Variants in CHRM3 observed in about 807,000 individuals in gnomAD.
CHRM3 encodes muscarinic acetylcholine receptor M3.
Under a neutral mutation model 41.8 loss-of-function variants are expected in CHRM3, and 11 were observed. The ratio of observed to expected loss-of-function variants is 0.26; its 90% CI spans 0.17 to 0.44. The LOEUF (loss-of-function observed/expected upper bound fraction) is 0.44, where lower values mean the gene tolerates loss of function less well. Among genes scored for constraint, CHRM3 ranks in the 20% least tolerant of loss-of-function variants. The probability of loss-of-function intolerance (pLI) is 1.00; values close to 1 mark genes in which losing one functional copy is unlikely to be tolerated. For missense variants in CHRM3, 571 were observed against 745.4 expected (o/e 0.77, Z 2.72); for synonymous variants, 297 against 301.4 (o/e 0.99, Z 0.15).
At chr1:239,527,368 A>T (rs1419480439) in intron 2 of CHRM3, among the ~76,000 whole-genome samples, 4 of 44,492 alleles carry the variant, frequency 9.0e-5, no homozygotes, top group Non-Finnish European at 2.9e-4. Context: ...TAGATTTCTT[A>T]AAAAAAAAAT....
intron 2 of CHRM3, among the ~76,000 whole-genome samples, chr1:239,497,909 A>G (rs1430151476): frequency 6.6e-6 from 1 of 152,222 alleles, no homozygotes; most frequent in Non-Finnish European, 1.5e-5. Context: ...CATATGAACC[A>G]GGGCACCTGG....
chr1:239,843,898 G>A (rs1674046099), intron 6 of CHRM3, among the ~76,000 whole-genome samples: 2 of 151,714 alleles, frequency 1.3e-5, no homozygotes, highest in South Asian at 4.2e-4. Context: ...TACACATAGA[G>A]ATATATACTC....
rs1680271780 is a variant in CHRM3 at position 239,910,045 on chromosome 1, G to C, written c.*821G>C. The C allele has an allele frequency of 6.0e-6, 1 of 166,984 alleles. No homozygotes were observed. Among genetic ancestry groups the C allele is most frequent in the Admixed American group, 6.5e-5 (1 of 15,282 alleles). 10.3% of individuals were successfully genotyped at this position (166,984 alleles called of 1,614,324 possible). A position where few individuals can be genotyped will look rare whatever the true frequency, so the allele number is the denominator to read the frequency against. Reference sequence around the variant, plus strand: ...GCTGTTTTCCACAGAGAGCAGCCAGGCCTTCCCAGCAGGTCTGTGCAGAGC... The same window carrying C: ...GCTGTTTTCCACAGAGAGCAGCCAGCCCTTCCCAGCAGGTCTGTGCAGAGC... On this transcript the variant is annotated 3_prime_UTR_variant, in exon 7 of 7. Transcript: ENST00000676153.
intron 6 of CHRM3, among the ~76,000 whole-genome samples, chr1:239,837,321 G>C (rs1028439427): frequency 2.0e-5 from 3 of 152,132 alleles, no homozygotes; most frequent in Non-Finnish European, 2.9e-5. Flanking sequence ...CAAGCACCTA[G>C]AATCGCAAAA....
chr1:239,519,089 C>A (rs2148250637), intron 2 of CHRM3, among the ~76,000 whole-genome samples: 2 of 152,152 alleles, frequency 1.3e-5, no homozygotes, highest in Middle Eastern at 6.8e-3. Context: ...TTACTGCTAT[C>A]TAATAATTTA....
chr1:239,515,111 A>C (rs113566597), intron 2 of CHRM3, among the ~76,000 whole-genome samples: 3,192 of 152,178 alleles, frequency 0.021, 52 homozygotes, highest in Non-Finnish European at 0.031. Flanking sequence ...TTTTTCTCTC[A>C]ATATGTTTTC....
At chr1:239,648,783 T>A (rs1573119031) in intron 4 of CHRM3, among the ~76,000 whole-genome samples, 1 of 152,194 alleles carries the variant, frequency 6.6e-6, no homozygotes. Flanking sequence ...GACTTGATGA[T>A]AAATTTTTAT....
At chr1:239,781,263 GTTC>G (rs1203556975) in intron 5 of CHRM3, among the ~76,000 whole-genome samples, 3 of 152,116 alleles carry the variant, frequency 2.0e-5, no homozygotes, top group Non-Finnish European at 4.4e-5. Context: ...CATTTATTTA[GTTC>G]TTCTTTGACA....
rs1572674978 is a variant in CHRM3, at chr1:239,914,769, T to C, written c.*5545T>C. On this transcript the variant is annotated 3_prime_UTR_variant, in exon 7 of 7. Coordinates refer to ENST00000676153, the MANE Select transcript of CHRM3 (RefSeq NM_001375978.1). The stretch of plus-strand genomic sequence containing the variant: ...TGCAAGTGAAGATCTGTAGTTTGGC[T>C]TAAAAATCCTTGCATGTAGTTTTGC... The C allele has an allele frequency of 6.0e-6, 1 of 167,030 alleles. No homozygotes were observed. Among genetic ancestry groups the C allele is most frequent in the African/African-American group, 2.4e-5 (1 of 41,468 alleles). 10.3% of individuals were successfully genotyped at this position (167,030 alleles called of 1,614,324 possible).
intron 1 of CHRM3, among the ~76,000 whole-genome samples, chr1:239,393,003 T>C (rs1405666297): frequency 1.3e-5 from 2 of 152,110 alleles, no homozygotes; most frequent in Non-Finnish European, 2.9e-5. Context: ...TCACAATCCA[T>C]ATAAATTTTG....
intron 2 of CHRM3, among the ~76,000 whole-genome samples, chr1:239,512,318 C>T (rs1226230301): frequency 6.6e-6 from 1 of 152,192 alleles, no homozygotes; most frequent in Non-Finnish European, 1.5e-5. Context: ...CATCTGAGCT[C>T]TGAGGATAGC....
chr1:239,869,392 G>T (rs368052149), intron 6 of CHRM3, among the ~76,000 whole-genome samples: 6 of 152,162 alleles, frequency 3.9e-5, no homozygotes, highest in African/African-American at 1.2e-4. Flanking sequence ...CATCTGAAAA[G>T]AACCCATAGT....
At chr1:239,439,838 A>T (rs1444151028) in intron 1 of CHRM3, among the ~76,000 whole-genome samples, 2 of 152,064 alleles carry the variant, frequency 1.3e-5, no homozygotes, top group Non-Finnish European at 2.9e-5. Flanking sequence ...AGGGCTTGGC[A>T]CCATGTTTTT....
chr1:239,417,344 G>T (rs1661570365), intron 1 of CHRM3, among the ~76,000 whole-genome samples: 1 of 152,124 alleles, frequency 6.6e-6, no homozygotes, highest in African/African-American at 2.4e-5. Flanking sequence ...TTCTGAGCTT[G>T]TTCCATTTGG....
At chr1:239,883,413 A>G (rs545219642) in intron 6 of CHRM3, among the ~76,000 whole-genome samples, 34 of 152,228 alleles carry the variant, frequency 2.2e-4, no homozygotes, top group African/African-American at 6.7e-4. Context: ...AGCTTTTTCT[A>G]GTGTAATGCA....
At chr1:239,560,363 A>G (rs1338464399) in intron 3 of CHRM3, among the ~76,000 whole-genome samples, 1 of 152,160 alleles carries the variant, frequency 6.6e-6, no homozygotes, top group Non-Finnish European at 1.5e-5. Flanking sequence ...AATCTTAAAA[A>G]TACAAAAAAT....
intron 6 of CHRM3, among the ~76,000 whole-genome samples, chr1:239,839,635 A>T (rs1427863372): frequency 1.3e-5 from 2 of 152,188 alleles, no homozygotes; most frequent in East Asian, 1.9e-4. Flanking sequence ...CAACAGTACC[A>T]TTTATCTTCC....
At chr1:239,508,609 A>T (rs1379099226) in intron 2 of CHRM3, among the ~76,000 whole-genome samples, 1 of 152,212 alleles carries the variant, frequency 6.6e-6, no homozygotes, top group Non-Finnish European at 1.5e-5. Context: ...AAGCATAATC[A>T]CCAATAAACT....
chr1:239,458,828 C>T (rs1665148314), intron 1 of CHRM3, among the ~76,000 whole-genome samples: 1 of 152,114 alleles, frequency 6.6e-6, no homozygotes, highest in Admixed American at 6.6e-5. Context: ...AGACTCAAAA[C>T]TCTGAAATAG....
Sources: allele counts gnomAD v4.1 joint callset (sites outside exome capture counted in the v4.1 genomes callset), GRCh38; gene constraint gnomAD v4.1.1; transcripts MANE v1.5; gene names NCBI Gene and HGNC (gene_info 2026-07-23, HGNC 2026-07-21).